PPM1A: variants seen among roughly 807,000 people sequenced by gnomAD.
PPM1A encodes the protein protein phosphatase, Mg2+/Mn2+ dependent 1A, also known as protein phosphatase 1A.
A neutral mutation model predicts 35.0 loss-of-function variants in PPM1A; 7 were observed. That is an observed-to-expected ratio of 0.20 (90% CI 0.11 to 0.38). The LOEUF (loss-of-function observed/expected upper bound fraction) is 0.38, where lower values mean the gene tolerates loss of function less well. Ranked by LOEUF, PPM1A falls within the 10% of genes least tolerant of loss-of-function variation. The pLI, the probability that PPM1A is intolerant of heterozygous loss-of-function variation, is 1.00. For missense variants in PPM1A, 239 were observed against 467.8 expected (o/e 0.51, Z 4.51); for synonymous variants, 153 against 167.3 (o/e 0.91, Z 0.66).
chr14:60,280,996 A>T (rs1886345885), intron 1 of PPM1A, among the ~76,000 whole-genome samples: 1 of 152,086 alleles, frequency 6.6e-6, no homozygotes, highest in South Asian at 2.1e-4. Context: ...AAGTTCTTTA[A>T]TCTTGGCTAA....
Position 60,283,426 on chromosome 14 carries a change from C to T in PPM1A, c.723C>T (p.Ile241=). The change falls in exon 2 of 6, where the codon ATC becomes ATT. Residue 241 remains isoleucine, a synonymous_variant. Coordinates refer to ENST00000395076, the MANE Select transcript of PPM1A (RefSeq NM_021003.5). The surrounding 1 kb of genome is among the most constrained non-coding windows in gnomAD (Gnocchi z 6.3). ...TCATTATCCTTGCATGTGATGGTATCTGGGATGTTATGGGAAATGAAGAGC... is the reference window on the plus strand; with the variant it reads ...TCATTATCCTTGCATGTGATGGTATTTGGGATGTTATGGGAAATGAAGAGC... The part of the protein sequence containing the change: ...DQFIILACDG[I]WDVMGNEELC... 2 of 1,614,192 alleles carry T rather than the reference C, an allele frequency of 1.2e-6. No individual in the cohort carries two copies. Among genetic ancestry groups the T allele is most frequent in the Non-Finnish European group, 1.7e-6 (2 of 1,180,038 alleles).
At chr14:60,288,349 A>G (rs920726429) in intron 3 of PPM1A, 61 of 973,716 alleles carry the variant, frequency 6.3e-5, no homozygotes, top group Middle Eastern at 5.3e-4. Flanking sequence ...GTTTATTTCT[A>G]TTGTATCTAG....
rs1269925016 is a variant in PPM1A at position 60,249,754 on chromosome 14, G to T, written c.-21+77G>T. The T allele has an allele frequency of 6.5e-6, 6 of 916,102 alleles. No individual in the cohort carries two copies. In the African/African-American group the frequency reaches 1.1e-4, roughly 16 times the overall value. The allele number at this position is 916,102 out of a possible 1,614,324, so 56.7% of individuals were successfully genotyped here. ...GCGGCGGCGGCGGCGGGCAGGCCTG[G>T]GGCCTGTAAACAAGCCGGGCGTCTG... is the stretch of plus-strand genomic sequence containing the variant. On this transcript the variant is annotated intron_variant, in intron 1 of 5. Transcript: ENST00000395076. This position sits in a 1 kb window ranked among gnomAD's most constrained non-coding sequence, Gnocchi z 4.5.
At chr14:60,271,539 C>G (rs140726073) in intron 1 of PPM1A, among the ~76,000 whole-genome samples, 24 of 152,274 alleles carry the variant, frequency 1.6e-4, no homozygotes, top group Admixed American at 3.9e-4. Context: ...ATGATGCAAA[C>G]TCTGATGCCA....
At position 60,255,705 on chromosome 14, in the gene PPM1A, C is replaced by T. The variant is rs566566333; in HGVS notation, c.-21+6028C>T. Reference sequence around the variant, plus strand: ...ACAAGCTTTATCGTAGCAGACGTTTCTGACTCTCTTCCTGAATGTTATTTT... The same window carrying T: ...ACAAGCTTTATCGTAGCAGACGTTTTTGACTCTCTTCCTGAATGTTATTTT... On this transcript the variant is annotated intron_variant, in intron 1 of 5. Coordinates refer to ENST00000395076, the MANE Select transcript of PPM1A (RefSeq NM_021003.5). Among the ~76,000 whole-genome samples, 1,035 of 152,276 alleles carry T rather than the reference C, an allele frequency of 6.8e-3. 14 individuals carry two copies. Among genetic ancestry groups the T allele is most frequent in the African/African-American group, 0.024 (1,005 of 41,552 alleles).
At chr14:60,281,923 A>C (rs1886449093) in intron 1 of PPM1A, among the ~76,000 whole-genome samples, 1 of 152,240 alleles carries the variant, frequency 6.6e-6, no homozygotes, top group Non-Finnish European at 1.5e-5. Context: ...TTTGTTATAT[A>C]TGTATACAGT....
chr14:60,292,213 T>TAATAATA lies in PPM1A; in HGVS notation c.1120-240_1120-239insAATAATA, dbSNP rs1887702026. On this transcript the variant is annotated intron_variant, in intron 5 of 5. Coordinates refer to ENST00000395076, the MANE Select transcript of PPM1A (RefSeq NM_021003.5). The surrounding 1 kb of genome is among the most constrained non-coding windows in gnomAD (Gnocchi z 4.2). ...GATTGAGTAATACATTTGGACAGCC[T>TAATAATA]CATCATAAAACCGCATTTCAAATAT... is the stretch of plus-strand genomic sequence containing the variant. Among the ~76,000 whole-genome samples, 1 of 152,176 alleles carries TAATAATA rather than the reference T, an allele frequency of 6.6e-6. No individual in the cohort carries two copies. The highest frequency in any genetic ancestry group is 1.5e-5 in the Non-Finnish European group (1 of 68,014).
Position 60,292,590 on chromosome 14 carries a change from C to G in PPM1A, c.*108C>G. On this transcript the variant is annotated 3_prime_UTR_variant, in exon 6 of 6. Transcript: ENST00000395076. This position sits in a 1 kb window ranked among gnomAD's most constrained non-coding sequence, Gnocchi z 4.2. ...CTCAACTTTAAGGAAGGGGATATGA[C>G]ATGGGTGAGAATGATTACATCAGAG... is the stretch of plus-strand genomic sequence containing the variant. 2.2e-6 allele frequency: 2 copies of G among 922,576 alleles called. No individual in the cohort carries two copies. The highest frequency in any genetic ancestry group is 3.4e-6 in the Non-Finnish European group (2 of 591,388). The allele number at this position is 922,576 out of a possible 1,614,324, so 57.1% of individuals were successfully genotyped here. A position where few individuals can be genotyped will look rare whatever the true frequency, so the allele number is the denominator to read the frequency against.
At chr14:60,253,523 G>A (rs1476485017) in intron 1 of PPM1A, among the ~76,000 whole-genome samples, 1 of 152,030 alleles carries the variant, frequency 6.6e-6, no homozygotes. Flanking sequence ...CTTATTACCA[G>A]GAACCAAAAT....
intron 1 of PPM1A, among the ~76,000 whole-genome samples, chr14:60,257,837 C>A (rs1165313065): frequency 6.6e-6 from 1 of 151,936 alleles, no homozygotes; most frequent in Non-Finnish European, 1.5e-5. Context: ...TTTGTTTTTC[C>A]AAACAGAATC....
In PPM1A at chr14:60,257,317, T is replaced by G. The variant is rs376429906; in HGVS notation, c.-21+7640T>G. The stretch of plus-strand genomic sequence containing the variant: ...CAATGTTTATTGAAAATAAATTCCT[T>G]AAAAACAGGTCTTGTTTCATTCATT... On this transcript the variant is annotated intron_variant, in intron 1 of 5. Coordinates refer to ENST00000395076, the MANE Select transcript of PPM1A (RefSeq NM_021003.5). 9.8e-5 allele frequency among the ~76,000 whole-genome samples: 15 copies of G among 152,310 alleles called. No homozygotes were observed. In the East Asian group the frequency reaches 2.7e-3, roughly 27 times the overall value.
At chr14:60,247,031 C>A (rs998637854), upstream of PPM1A, among the ~76,000 whole-genome samples, 3 of 152,150 alleles carry the variant, frequency 2.0e-5, no homozygotes, top group Admixed American at 2.0e-4. Context: ...TCACTAGTGA[C>A]CCAGCTTCTG....
At chr14:60,288,075 T>C in intron 3 of PPM1A, 1 of 982,226 alleles carries the variant, frequency 1.0e-6, no homozygotes, top group Non-Finnish European at 1.2e-6. Flanking sequence ...TTATTTTTCT[T>C]TTTTGAAAGC....
intron 1 of PPM1A, among the ~76,000 whole-genome samples, chr14:60,275,132 T>C (rs900762795): frequency 6.6e-6 from 1 of 150,970 alleles, no homozygotes; most frequent in East Asian, 1.9e-4. Context: ...AGAAAATATA[T>C]AGACTTGTAG....
chr14:60,276,323 C>T (rs1197434194), intron 1 of PPM1A, among the ~76,000 whole-genome samples: 1 of 152,084 alleles, frequency 6.6e-6, no homozygotes, highest in East Asian at 1.9e-4. Flanking sequence ...AGCTTGTAGT[C>T]TCTCACTATA....
chr14:60,259,984 C>A (rs1193820898), intron 1 of PPM1A, among the ~76,000 whole-genome samples: 1 of 151,920 alleles, frequency 6.6e-6, no homozygotes, highest in Non-Finnish European at 1.5e-5. Context: ...AATCAGGAAA[C>A]CTATGAAGAA....
chr14:60,283,230 A>G lies in PPM1A; in HGVS notation c.527A>G (p.Gln176Arg), dbSNP rs1218604217. ...PSNPLEKERI[Q>R]NAGGSVMIQR... ...AATCCGCTGGAGAAAGAACGAATTC[A>G]GAATGCAGGTGGCTCTGTAATGATT... The change falls in exon 2 of 6, where the codon CAG becomes CGG. Residue 176 changes from glutamine (Q) to arginine (R), a missense_variant. Coordinates refer to ENST00000395076, the MANE Select transcript of PPM1A (RefSeq NM_021003.5). The surrounding 1 kb of genome is among the most constrained non-coding windows in gnomAD (Gnocchi z 6.3). 4 of 1,614,146 alleles carry G rather than the reference A, an allele frequency of 2.5e-6. No individual in the cohort carries two copies. In the African/African-American group the frequency reaches 4.0e-5, roughly 16 times the overall value.
intron 3 of PPM1A, chr14:60,287,297 C>T (rs1270949024): frequency 1.0e-6 from 1 of 983,112 alleles, no homozygotes; most frequent in Admixed American, 6.2e-5. Flanking sequence ...GCCACCTGGA[C>T]AGAGTTTACA....
At chr14:60,281,238 T>C (rs982623686) in intron 1 of PPM1A, among the ~76,000 whole-genome samples, 1 of 152,214 alleles carries the variant, frequency 6.6e-6, no homozygotes, top group African/African-American at 2.4e-5. Flanking sequence ...AATATCACCA[T>C]AAGGGATGGA....
Sources: allele counts gnomAD v4.1 joint callset (sites outside exome capture counted in the v4.1 genomes callset), GRCh38; gene constraint gnomAD v4.1.1; non-coding constraint Gnocchi (gnomAD v3.1); transcripts MANE v1.5; gene names NCBI Gene and HGNC (gene_info 2026-07-23, HGNC 2026-07-21).